PRDM2: variants seen among roughly 807,000 people sequenced by gnomAD.
PRDM2 encodes PR domain zinc finger protein 2.
In PRDM2, 30 loss-of-function variants were observed where a neutral mutation model predicts 130.0. The ratio of observed to expected loss-of-function variants is 0.23; its 90% CI spans 0.17 to 0.31. The LOEUF (loss-of-function observed/expected upper bound fraction) is 0.31. Among genes scored for constraint, PRDM2 ranks in the 10% least tolerant of loss-of-function variants. PRDM2 has a pLI of 1.00. For synonymous variants in PRDM2, 871 were observed against 782.4 expected, an observed-to-expected ratio of 1.11 and a Z score of -1.89; for missense variants, 2,011 against 2,108.4, an observed-to-expected ratio of 0.95 and a Z score of 0.90.
chr1:13,721,223 G>A (rs1178783713), intron 2 of PRDM2, among the ~76,000 whole-genome samples: 1 of 152,132 alleles, frequency 6.6e-6, no homozygotes, highest in African/African-American at 2.4e-5. Flanking sequence ...TGTTTTATGG[G>A]AGACCATCTG....
At chr1:13,786,627 T>C in intron 8 of PRDM2, 1 of 1,580,232 alleles carries the variant, frequency 6.3e-7, no homozygotes, top group South Asian at 1.1e-5. Context: ...CTACCAAGCT[T>C]GCAAGACCAG....
intron 6 of PRDM2, among the ~76,000 whole-genome samples, chr1:13,751,576 C>T (rs1218925814): frequency 6.7e-6 from 1 of 149,606 alleles, no homozygotes; most frequent in Non-Finnish European, 1.5e-5. Flanking sequence ...TATGTGTGAC[C>T]TCAAACATTT....
intron 5 of PRDM2, among the ~76,000 whole-genome samples, chr1:13,744,183 C>T (rs1040992390): frequency 6.6e-6 from 1 of 152,202 alleles, no homozygotes; most frequent in African/African-American, 2.4e-5. Flanking sequence ...TTCACAGAAA[C>T]ACTGAGAATC....
intron 4 of PRDM2, among the ~76,000 whole-genome samples, chr1:13,740,182 G>T (rs1557610971): frequency 6.6e-6 from 1 of 152,334 alleles, no homozygotes; most frequent in East Asian, 1.9e-4. Context: ...GTATTGACCT[G>T]AGAGCCAGGA....
chr1:13,821,007 A>G (rs969296050), intron 9 of PRDM2, among the ~76,000 whole-genome samples: 1 of 149,704 alleles, frequency 6.7e-6, no homozygotes, highest in African/African-American at 2.5e-5. Flanking sequence ...TCTTGAAGAC[A>G]TCCCACTCCC....
chr1:13,754,789 T>C (rs575144818), intron 6 of PRDM2, among the ~76,000 whole-genome samples: 3 of 152,308 alleles, frequency 2.0e-5, no homozygotes, highest in East Asian at 3.9e-4. Flanking sequence ...CACTGACTTA[T>C]AGGGCACTGG....
intron 6 of PRDM2, among the ~76,000 whole-genome samples, chr1:13,766,632 T>TG (rs1644233324): frequency 6.6e-6 from 1 of 152,180 alleles, no homozygotes; most frequent in Non-Finnish European, 1.5e-5. Context: ...GGTACAGCTG[T>TG]GGAAATCTCC....
chr1:13,787,035 C>G, intron 8 of PRDM2: 1 of 985,670 alleles, frequency 1.0e-6, no homozygotes, highest in Non-Finnish European at 1.2e-6. Flanking sequence ...TAGCTGATCT[C>G]TTACCCCTGG....
rs569323208 is a variant in PRDM2, at chr1:13,786,634, C to T, written c.5036+3803C>T. ...TACGAAATCTACCAAGCTTGCAAGA[C>T]CAGTTGAAGCTGACTCAAAAATCCT... On this transcript the variant is annotated intron_variant, in intron 8 of 9. Coordinates refer to ENST00000311066, the MANE Select transcript of PRDM2 (RefSeq NM_001393986.1). The T allele has an allele frequency of 4.2e-5, 66 of 1,566,060 alleles. No homozygotes were observed. In the African/African-American group the frequency reaches 7.5e-4, roughly 18 times the overall value.
At chr1:13,741,973 A>C in intron 4 of PRDM2, 32 bp from the exon 5 acceptor site, 1 of 1,501,980 alleles carries the variant, frequency 6.7e-7, no homozygotes, top group South Asian at 1.2e-5. Flanking sequence ...TCCTATTTTA[A>C]CAAAAGTTTT....
intron 8 of PRDM2, chr1:13,786,641 A>G: frequency 1.9e-6 from 3 of 1,559,272 alleles, no homozygotes; most frequent in Non-Finnish European, 1.7e-6. Flanking sequence ...AGACCAGTTG[A>G]AGCTGACTCA....
At chr1:13,743,590 A>G (rs757676309) in intron 5 of PRDM2, among the ~76,000 whole-genome samples, 21 of 152,292 alleles carry the variant, frequency 1.4e-4, no homozygotes, top group Admixed American at 2.6e-4. Flanking sequence ...AGAATAGTCT[A>G]TGGAAAAAAT....
intron 6 of PRDM2, among the ~76,000 whole-genome samples, chr1:13,754,709 C>A (rs1643907864): frequency 6.6e-6 from 1 of 152,220 alleles, no homozygotes; most frequent in Admixed American, 6.5e-5. Flanking sequence ...AGAGGCCTGG[C>A]TGTGGTGTCT....
chr1:13,701,111 G>A (rs140406600), intron 1 of PRDM2, among the ~76,000 whole-genome samples: 1 of 152,280 alleles, frequency 6.6e-6, no homozygotes, highest in African/African-American at 2.4e-5. Flanking sequence ...AGTTAACCGG[G>A]AAGTCCTGAT....
chr1:13,818,927 G>T (rs1388138329), intron 9 of PRDM2, among the ~76,000 whole-genome samples: 1 of 152,082 alleles, frequency 6.6e-6, no homozygotes, highest in Non-Finnish European at 1.5e-5. Context: ...GAGCTGGGAG[G>T]CCCTGGGAGA....
At chr1:13,706,288 G>A (rs951739296) in intron 1 of PRDM2, among the ~76,000 whole-genome samples, 4 of 152,146 alleles carry the variant, frequency 2.6e-5, no homozygotes, top group Non-Finnish European at 4.4e-5. Flanking sequence ...CTTTCTGGCT[G>A]CCCTCTCCTC....
intron 1 of PRDM2, among the ~76,000 whole-genome samples, chr1:13,707,678 C>G (rs1356094877): frequency 6.6e-6 from 1 of 152,088 alleles, no homozygotes; most frequent in Non-Finnish European, 1.5e-5. Context: ...TTGGAAAACT[C>G]TTGTATTCTG....
intron 4 of PRDM2, among the ~76,000 whole-genome samples, chr1:13,739,613 G>A (rs1193473365): frequency 1.3e-5 from 2 of 152,118 alleles, no homozygotes; most frequent in Non-Finnish European, 2.9e-5. Context: ...ATTCCATATT[G>A]TTTTCCATTT....
intron 6 of PRDM2, among the ~76,000 whole-genome samples, chr1:13,758,294 A>T (rs7531918): frequency 0.015 from 2,293 of 151,994 alleles, 59 homozygotes; most frequent in African/African-American, 0.053. Flanking sequence ...AAATACAAAA[A>T]TTAGCTGGGC....
Sources: gnomAD v4.1 joint callset for allele counts (sites outside exome capture counted in the v4.1 genomes callset) on GRCh38, gnomAD v4.1.1 for gene constraint, MANE v1.5 for transcripts, NCBI Gene and HGNC (gene_info 2026-07-23, HGNC 2026-07-21) for gene names.